TASP1: variants seen among roughly 807,000 people sequenced by gnomAD.
TASP1 encodes the protein threonine aspartase 1.
TASP1 carries 16 observed loss-of-function variants against 56.6 expected under a neutral mutation model. The ratio of observed to expected loss-of-function variants is 0.28; its 90% CI spans 0.19 to 0.43. TASP1 has a LOEUF of 0.43. Ranked by LOEUF, TASP1 falls within the 20% of genes least tolerant of loss-of-function variation. The probability of loss-of-function intolerance (pLI) is 1.00; values close to 1 mark genes in which losing one functional copy is unlikely to be tolerated. For synonymous variants in TASP1, 179 were observed against 184.2 expected, an observed-to-expected ratio of 0.97 and a Z score of 0.23; for missense variants, 393 against 511.6, an observed-to-expected ratio of 0.77 and a Z score of 2.24.
At chr20:13,311,573 G>C in the TASP1 span, among the ~76,000 whole-genome samples, 4 of 152,194 alleles carry the variant, frequency 2.6e-5, no homozygotes, top group Admixed American at 2.0e-4. Context: ...GGGAAATGTG[G>C]TATGTTCACA....
At chr20:13,533,679 T>C (rs1022697450) in intron 9 of TASP1, among the ~76,000 whole-genome samples, 2 of 152,070 alleles carry the variant, frequency 1.3e-5, no homozygotes, top group African/African-American at 4.8e-5. Flanking sequence ...TATAGTCAAG[T>C]AGAGCTTGTT....
chr20:13,604,856 T>C (rs1460995092), intron 4 of TASP1, among the ~76,000 whole-genome samples: 2 of 152,092 alleles, frequency 1.3e-5, no homozygotes, highest in African/African-American at 4.8e-5. Flanking sequence ...GCAAATTGTT[T>C]AGCAGTTTTC....
intron 10 of TASP1, among the ~76,000 whole-genome samples, chr20:13,499,166 A>C (rs1448436739): frequency 2.0e-5 from 3 of 152,178 alleles, no homozygotes; most frequent in Non-Finnish European, 4.4e-5. Context: ...GCAGCAACAT[A>C]AATGTAGGTG....
the TASP1 span, among the ~76,000 whole-genome samples, chr20:13,357,482 GT>G: frequency 1.3e-5 from 2 of 152,136 alleles, no homozygotes; most frequent in Admixed American, 6.5e-5. Context: ...ACAAATACAT[GT>G]TTTCTCACTG....
chr20:13,358,079 T>C, the TASP1 span, among the ~76,000 whole-genome samples: 1 of 152,100 alleles, frequency 6.6e-6, no homozygotes, highest in South Asian at 2.1e-4. Context: ...TGAAAGTCCT[T>C]TGCCTGGCTC....
intron 11 of TASP1, among the ~76,000 whole-genome samples, chr20:13,447,100 A>T (rs1361265130): frequency 3.3e-5 from 5 of 152,178 alleles, no homozygotes; most frequent in Non-Finnish European, 7.3e-5. Context: ...TATTTGCTAC[A>T]GATTCCTAAA....
At chr20:13,587,895 G>A (rs939763970) in intron 4 of TASP1, among the ~76,000 whole-genome samples, 2 of 152,088 alleles carry the variant, frequency 1.3e-5, no homozygotes, top group Non-Finnish European at 2.9e-5. Context: ...GGAGGCCAAG[G>A]TGGAAGGATC....
At chr20:13,207,409 T>C in the TASP1 span, among the ~76,000 whole-genome samples, 1 of 152,080 alleles carries the variant, frequency 6.6e-6, no homozygotes, top group African/African-American at 2.4e-5. Flanking sequence ...CAATAAGACA[T>C]AGGTATAGAT....
At chr20:13,616,467 C>A (rs578153914) in intron 4 of TASP1, among the ~76,000 whole-genome samples, 10 of 152,148 alleles carry the variant, frequency 6.6e-5, no homozygotes, top group East Asian at 1.9e-4. Context: ...CATACCTCAT[C>A]AAGAAATGGC....
Position 13,550,788 on chromosome 20 carries a change from C to G in TASP1, c.675+8220G>C, listed in dbSNP as rs576372815. On this transcript the variant is annotated intron_variant, in intron 8 of 13. Coordinates refer to ENST00000337743, the MANE Select transcript of TASP1 (RefSeq NM_017714.3). The stretch of plus-strand genomic sequence containing the variant: ...TTATATTTATGGAATCTAGATTATG[C>G]CATGCATTCACTCAGTTTGTTTTTC... 9.9e-5 allele frequency among the ~76,000 whole-genome samples: 15 copies of G among 152,130 alleles called. No individual in the cohort carries two copies. The South Asian group carries it at 3.1e-3, about 32-fold the overall frequency.
the TASP1 span, among the ~76,000 whole-genome samples, chr20:13,205,000 G>T: frequency 2.6e-5 from 4 of 152,082 alleles, no homozygotes; most frequent in Non-Finnish European, 4.4e-5. Flanking sequence ...ACCTTGTGGG[G>T]TACCTATGTT....
intron 4 of TASP1, chr20:13,617,016 T>C: frequency 2.2e-6 from 1 of 454,446 alleles, no homozygotes. Context: ...TTTCCCTTGT[T>C]CAGAAGGTGG....
intron 11 of TASP1, among the ~76,000 whole-genome samples, chr20:13,454,822 C>G (rs2043766568): frequency 6.6e-6 from 1 of 152,044 alleles, no homozygotes; most frequent in African/African-American, 2.4e-5. Flanking sequence ...CCTGGAAGCC[C>G]CCATCATCCT....
intron 13 of TASP1, among the ~76,000 whole-genome samples, chr20:13,413,931 AGTGT>A (rs1041593174): frequency 4.6e-5 from 7 of 152,282 alleles, no homozygotes; most frequent in African/African-American, 1.4e-4. Flanking sequence ...TAGATGCATT[AGTGT>A]GTATTTCATA....
intron 10 of TASP1, among the ~76,000 whole-genome samples, chr20:13,505,553 T>C (rs1176561441): frequency 2.0e-5 from 3 of 152,086 alleles, no homozygotes; most frequent in Non-Finnish European, 2.9e-5. Context: ...TTTAAGAACA[T>C]TGAAATCATA....
At chr20:13,270,727 A>G in the TASP1 span, 1 of 1,613,724 alleles carries the variant, frequency 6.2e-7, no homozygotes, top group Admixed American at 1.7e-5. Context: ...ATCAATGGGC[A>G]GAATCCAAAT....
Position 13,469,792 on chromosome 20 carries a change from C to CTTTTTTTT in TASP1, c.985+13427_985+13434dup, listed in dbSNP as rs546419566. Among the ~76,000 whole-genome samples the CTTTTTTTT allele has an allele frequency of 7.8e-3, 307 of 39,546 alleles. 64 individuals carry two copies. Among genetic ancestry groups the CTTTTTTTT allele is most frequent in the Middle Eastern group, 0.038 (1 of 26 alleles). The allele number at this position is 39,546 out of a possible 152,430, so 25.9% of individuals were successfully genotyped here. A position where few individuals can be genotyped will look rare whatever the true frequency, so the allele number is the denominator to read the frequency against. On this transcript the variant is annotated intron_variant, in intron 11 of 13. Coordinates refer to ENST00000337743, the MANE Select transcript of TASP1 (RefSeq NM_017714.3). ...ACAGTTGTCCAGGTCAATAAATGTC[C>CTTTTTTTT]TTTTTTTTTTTTTTTTTTTTTTTTT...
At chr20:13,146,322 G>A in the TASP1 span, among the ~76,000 whole-genome samples, 1 of 152,010 alleles carries the variant, frequency 6.6e-6, no homozygotes, top group Non-Finnish European at 1.5e-5. Context: ...GAGAACTATT[G>A]TACTGGGCTT....
chr20:13,337,941 C>G, the TASP1 span, among the ~76,000 whole-genome samples: 24,502 of 152,112 alleles, frequency 0.16, 2,577 homozygotes, highest in African/African-American at 0.29. Context: ...TTTAAGAAAG[C>G]ATTTGTCCTT....
Sources: allele counts gnomAD v4.1 joint callset (sites outside exome capture counted in the v4.1 genomes callset), GRCh38; gene constraint gnomAD v4.1.1; transcripts MANE v1.5; gene names NCBI Gene and HGNC (gene_info 2026-07-23, HGNC 2026-07-21).